Variants in MEGF6 observed in about 807,000 individuals in gnomAD.
MEGF6 encodes the protein multiple EGF like domains 6.
Under a neutral mutation model 207.1 loss-of-function variants are expected in MEGF6, and 184 were observed. That is an observed-to-expected ratio of 0.89 (90% CI 0.79 to 1.00). The LOEUF (loss-of-function observed/expected upper bound fraction) is 1.00, where lower values mean the gene tolerates loss of function less well. Ranked by LOEUF, MEGF6 falls within the 50% of genes least tolerant of loss-of-function variation. The pLI is 0.00. For synonymous variants in MEGF6, 1,038 were observed against 910.0 expected, an observed-to-expected ratio of 1.14 and a Z score of -2.53; for missense variants, 2,282 against 2,202.9, an observed-to-expected ratio of 1.04 and a Z score of -0.72.
At chr1:3,620,080 G>A in the MEGF6 span, among the ~76,000 whole-genome samples, 16 of 152,192 alleles carry the variant, frequency 1.1e-4, no homozygotes, top group Non-Finnish European at 1.8e-4. Flanking sequence ...CTAGAGATCC[G>A]TGGAACTTTG....
chr1:3,502,575 TC>T (rs1429371414), intron 17 of MEGF6, among the ~76,000 whole-genome samples: 1 of 151,504 alleles, frequency 6.6e-6, no homozygotes, highest in African/African-American at 2.4e-5. Context: ...AGGCCTAGGG[TC>T]CCCCCTGCTC....
At chr1:3,613,371 A>G (rs1644352107), upstream of MEGF6, among the ~76,000 whole-genome samples, 1 of 152,142 alleles carries the variant, frequency 6.6e-6, no homozygotes, top group Admixed American at 6.5e-5. Flanking sequence ...CAAGCCCGTG[A>G]GTGTCTCCCC....
chr1:3,533,240 T>C (rs1319442277), intron 4 of MEGF6, among the ~76,000 whole-genome samples: 1 of 152,186 alleles, frequency 6.6e-6, no homozygotes. Context: ...CCCCGTCCTG[T>C]CTGCCATCCA....
At chr1:3,607,857 T>C (rs776911805) in intron 1 of MEGF6, among the ~76,000 whole-genome samples, 4 of 152,170 alleles carry the variant, frequency 2.6e-5, no homozygotes, top group Non-Finnish European at 5.9e-5. Flanking sequence ...GGGCAAGAGA[T>C]GGGCGGGCAT....
chr1:3,549,691 C>A (rs148245483), intron 4 of MEGF6, among the ~76,000 whole-genome samples: 1 of 152,354 alleles, frequency 6.6e-6, no homozygotes, highest in East Asian at 1.9e-4. Context: ...CCCACAAGGG[C>A]TCCAGCTCGG....
chr1:3,525,939 C>T (rs569386603), intron 4 of MEGF6, among the ~76,000 whole-genome samples: 2 of 152,340 alleles, frequency 1.3e-5, no homozygotes, highest in South Asian at 2.1e-4. Context: ...CAGGAGGCCA[C>T]AGGCTTCCTG....
the MEGF6 span, among the ~76,000 whole-genome samples, chr1:3,617,371 C>T: frequency 3.5e-4 from 51 of 145,368 alleles, no homozygotes; most frequent in African/African-American, 1.3e-3. Flanking sequence ...GTGAATGTGA[C>T]CTTATTTGAA....
chr1:3,584,201 C>G (rs1486758326), intron 3 of MEGF6, among the ~76,000 whole-genome samples: 1 of 152,322 alleles, frequency 6.6e-6, no homozygotes, highest in Non-Finnish European at 1.5e-5. Flanking sequence ...TCTTTAATGC[C>G]CCCCACTTTC....
At chr1:3,621,355 G>A in the MEGF6 span, among the ~76,000 whole-genome samples, 2 of 152,334 alleles carry the variant, frequency 1.3e-5, no homozygotes, top group African/African-American at 4.8e-5. Context: ...GGCCCTGTCC[G>A]GGCATAACAG....
chr1:3,509,064 C>G lies in MEGF6; in HGVS notation c.1528+11G>C. On this transcript the variant is annotated intron_variant, in intron 12 of 36. Coordinates refer to ENST00000356575, the MANE Select transcript of MEGF6 (RefSeq NM_001409.4). ...CGAGCAGGAGCCCCCGGGGGCTGGG[C>G]CCGCGCTCACCAAACTTCTCTGTGA... 1 of 1,567,558 alleles carries G rather than the reference C, an allele frequency of 6.4e-7. No homozygotes were observed. The highest frequency in any genetic ancestry group is 8.6e-7 in the Non-Finnish European group (1 of 1,158,354).
chr1:3,508,830 G>A (rs1224233712), intron 12 of MEGF6, 141 bp from the exon 13 acceptor site: 1 of 1,181,100 alleles, frequency 8.5e-7, no homozygotes, highest in African/African-American at 1.5e-5. Context: ...GGTGACATGG[G>A]GACAGATGCT....
At chr1:3,523,221 C>T (rs1641829725) in intron 5 of MEGF6, among the ~76,000 whole-genome samples, 1 of 152,174 alleles carries the variant, frequency 6.6e-6, no homozygotes, top group South Asian at 2.1e-4. Flanking sequence ...CAGAGAATGA[C>T]CCCCCATGCC....
chr1:3,554,879 G>A lies in MEGF6; in HGVS notation c.481+24946C>T, dbSNP rs11804117. On this transcript the variant is annotated intron_variant, in intron 4 of 36. Coordinates refer to ENST00000356575, the MANE Select transcript of MEGF6 (RefSeq NM_001409.4). ...TCCCTGAGATTAGGCTGTGGACATCGCGGGGCCACTATTCTGGAAACCACA... is the reference window on the plus strand; with the variant it reads ...TCCCTGAGATTAGGCTGTGGACATCACGGGGCCACTATTCTGGAAACCACA... 6.9e-3 allele frequency among the ~76,000 whole-genome samples: 1,047 copies of A among 152,320 alleles called. 12 individuals carry two copies. Among genetic ancestry groups the A allele is most frequent in the African/African-American group, 0.025 (1,019 of 41,568 alleles).
chr1:3,580,227 G>A (rs1319106775), intron 3 of MEGF6, among the ~76,000 whole-genome samples: 2 of 151,652 alleles, frequency 1.3e-5, no homozygotes, highest in Non-Finnish European at 2.9e-5. Flanking sequence ...AGGTGGGCAG[G>A]GAGTGGGGTC....
intron 4 of MEGF6, among the ~76,000 whole-genome samples, chr1:3,549,692 T>A (rs1237668217): frequency 1.3e-5 from 2 of 152,182 alleles, no homozygotes; most frequent in Admixed American, 1.3e-4. Context: ...CCACAAGGGC[T>A]CCAGCTCGGG....
intron 4 of MEGF6, among the ~76,000 whole-genome samples, chr1:3,557,653 C>G (rs1473638327): frequency 1.3e-5 from 2 of 152,258 alleles, no homozygotes; most frequent in Non-Finnish European, 2.9e-5. Flanking sequence ...ATCCCTCGCT[C>G]ACTCCCACAG....
chr1:3,500,322 G>T (rs757244838), intron 21 of MEGF6, among the ~76,000 whole-genome samples: 1 of 152,250 alleles, frequency 6.6e-6, no homozygotes, highest in African/African-American at 2.4e-5. Context: ...CTCCTGCTGC[G>T]GCTCCAAGTG....
intron 1 of MEGF6, among the ~76,000 whole-genome samples, chr1:3,603,430 TCG>T (rs1174265418): frequency 6.6e-6 from 1 of 151,842 alleles, no homozygotes; most frequent in Non-Finnish European, 1.5e-5. Flanking sequence ...AGAGGCAAAT[TCG>T]GGGGGAGAGG....
At chr1:3,604,438 C>A (rs1308711839) in intron 1 of MEGF6, among the ~76,000 whole-genome samples, 2 of 152,196 alleles carry the variant, frequency 1.3e-5, no homozygotes, top group Non-Finnish European at 1.5e-5. Flanking sequence ...GAAGCCTCCG[C>A]AGCAATGGGG....
Sources: allele counts gnomAD v4.1 joint callset (sites outside exome capture counted in the v4.1 genomes callset), GRCh38; gene constraint gnomAD v4.1.1; transcripts MANE v1.5; gene names NCBI Gene and HGNC (gene_info 2026-07-23, HGNC 2026-07-21).